The following CAMTA1 variants were observed in gnomAD, a reference collection of about 807,000 sequenced individuals.
CAMTA1 encodes calmodulin binding transcription activator 1.
Under a neutral mutation model 170.9 loss-of-function variants are expected in CAMTA1, and 27 were observed. The ratio of observed to expected loss-of-function variants is 0.16; its 90% confidence interval spans 0.12 to 0.22. CAMTA1 has a LOEUF of 0.22. CAMTA1 is among the 10% of genes least tolerant of loss of function. CAMTA1 has a pLI of 1.00. For missense variants in CAMTA1, 1,619 were observed against 2,217.2 expected (o/e 0.73, Z 5.42); for synonymous variants, 833 against 891.5 (o/e 0.93, Z 1.17).
chr1:7,546,252 G>A (rs889769318), intron 6 of CAMTA1, among the ~76,000 whole-genome samples: 1 of 152,110 alleles, frequency 6.6e-6, no homozygotes. Flanking sequence ...CACTGCGCCC[G>A]GCCTGGTTTT....
chr1:6,794,898 T>G (rs1328111334), intron 1 of CAMTA1, among the ~76,000 whole-genome samples: 2 of 151,158 alleles, frequency 1.3e-5, no homozygotes, highest in Non-Finnish European at 3.0e-5. Flanking sequence ...TTGTTTTTTT[T>G]GTTTTTTTGT....
intron 10 of CAMTA1, among the ~76,000 whole-genome samples, chr1:7,676,009 G>T (rs1317188736): frequency 6.6e-6 from 1 of 152,210 alleles, no homozygotes; most frequent in Non-Finnish European, 1.5e-5. Flanking sequence ...CATCCCCCCC[G>T]ACCCCAAGCT....
chr1:7,235,169 T>C (rs1401113442), intron 4 of CAMTA1, among the ~76,000 whole-genome samples: 1 of 152,046 alleles, frequency 6.6e-6, no homozygotes, highest in Non-Finnish European at 1.5e-5. Context: ...ACAAAGACAT[T>C]GTGGCCCTTA....
chr1:7,683,835 T>C (rs1301625677), intron 11 of CAMTA1, among the ~76,000 whole-genome samples: 1 of 152,232 alleles, frequency 6.6e-6, no homozygotes, highest in African/African-American at 2.4e-5. Context: ...TGGGTGCATG[T>C]GCTCCCCAGG....
Position 7,732,364 on chromosome 1 carries a change from C to G in CAMTA1, c.2915-84C>G. ...TGAAGTTACGGACGGCATTTGGATG[C>G]TGGTCCCGCAAGGCTGGCGAGGCCA... On this transcript the variant is annotated intron_variant, in intron 11 of 22. Coordinates refer to ENST00000303635, the MANE Select transcript of CAMTA1 (RefSeq NM_015215.4). The surrounding 1 kb of genome is among the most constrained non-coding windows in gnomAD (Gnocchi z 4.1). The G allele has an allele frequency of 8.4e-7, 1 of 1,192,530 alleles. No individual in the cohort carries two copies. 73.9% of individuals were successfully genotyped at this position (1,192,530 alleles called of 1,614,324 possible). A position where few individuals can be genotyped will look rare whatever the true frequency, so the allele number is the denominator to read the frequency against.
chr1:7,158,723 T>C (rs1219069314), intron 4 of CAMTA1, among the ~76,000 whole-genome samples: 2 of 152,266 alleles, frequency 1.3e-5, no homozygotes, highest in Non-Finnish European at 2.9e-5. Flanking sequence ...GGGTTTCCTC[T>C]GTAAAATGCT....
At chr1:7,502,502 C>T (rs551545937) in intron 6 of CAMTA1, among the ~76,000 whole-genome samples, 4 of 152,316 alleles carry the variant, frequency 2.6e-5, no homozygotes, top group South Asian at 2.1e-4. Context: ...AGCTCAGCCA[C>T]GTTCTGCAAG....
In CAMTA1 at chr1:6,819,240, C is replaced by T. The variant is rs1215125094; in HGVS notation, c.46-941C>T. Reference sequence around the variant, plus strand: ...TAATCTAAAATTTTATTTAATACTGCAGCCAAACAAAAAAGATATTTTTAG... The same window carrying T: ...TAATCTAAAATTTTATTTAATACTGTAGCCAAACAAAAAAGATATTTTTAG... On this transcript the variant is annotated intron_variant, in intron 1 of 22. Coordinates refer to ENST00000303635, the MANE Select transcript of CAMTA1 (RefSeq NM_015215.4). Among the ~76,000 whole-genome samples, 6 of 152,038 alleles carry T rather than the reference C, an allele frequency of 3.9e-5. No homozygotes were observed. In the East Asian group the frequency reaches 1.2e-3, roughly 29 times the overall value.
At chr1:7,210,314 G>A (rs1658525530) in intron 4 of CAMTA1, among the ~76,000 whole-genome samples, 2 of 152,012 alleles carry the variant, frequency 1.3e-5, no homozygotes, top group Non-Finnish European at 2.9e-5. Context: ...CATTTATTTT[G>A]TAGACTGTCC....
intron 6 of CAMTA1, among the ~76,000 whole-genome samples, chr1:7,595,245 A>G (rs1404038735): frequency 6.6e-6 from 1 of 152,212 alleles, no homozygotes; most frequent in Non-Finnish European, 1.5e-5. Flanking sequence ...ATCAGCTTTC[A>G]GATTATCTGA....
At chr1:7,068,524 CACGATGGGGATGA>C (rs761352480) in intron 3 of CAMTA1, among the ~76,000 whole-genome samples, 15 of 152,082 alleles carry the variant, frequency 9.9e-5, no homozygotes, top group Non-Finnish European at 1.5e-4. Flanking sequence ...CCAGGCAGAC[CACGATGGGGATGA>C]ACGTGCCCTG....
chr1:7,429,107 G>A (rs1258392189), intron 5 of CAMTA1, among the ~76,000 whole-genome samples: 1 of 152,108 alleles, frequency 6.6e-6, no homozygotes, highest in African/African-American at 2.4e-5. Context: ...GTCAGAATTT[G>A]GGAGCCATAA....
chr1:6,940,948 A>AG (rs375035151), intron 3 of CAMTA1, among the ~76,000 whole-genome samples: 2 of 2,728 alleles, frequency 7.3e-4, no homozygotes, highest in Admixed American at 5.5e-3. Context: ...CCTCAGGGGG[A>AG]GGGGGGATCC....
chr1:6,905,925 G>C (rs1204121443), intron 3 of CAMTA1, among the ~76,000 whole-genome samples: 1 of 152,100 alleles, frequency 6.6e-6, no homozygotes, highest in East Asian at 1.9e-4. Flanking sequence ...AGTGGCTCCT[G>C]CTGCTGGTTC....
rs1451465286 is a variant in CAMTA1 at position 6,965,890 on chromosome 1, A to G, written c.235-125414A>G. Among the ~76,000 whole-genome samples, 3 of 152,276 alleles carry G rather than the reference A, an allele frequency of 2.0e-5. No individual in the cohort carries two copies. In the East Asian group the frequency reaches 5.8e-4, roughly 29 times the overall value. On this transcript the variant is annotated intron_variant, in intron 3 of 22. Transcript: ENST00000303635. This position sits in a 1 kb window ranked among gnomAD's most constrained non-coding sequence, Gnocchi z 4.1. ...GCAAGCTCGATGCCGCACGTCTGGC[A>G]TTAGTTACTGCTTGTTGTGTCCTGT...
chr1:6,873,982 T>G (rs1669115174), intron 3 of CAMTA1: 1 of 152,274 alleles, frequency 6.6e-6, no homozygotes, highest in African/African-American at 2.4e-5. Flanking sequence ...CAGAAGACTT[T>G]CATTTTGGTG....
At chr1:7,342,686 T>TA (rs1399347487) in intron 5 of CAMTA1, among the ~76,000 whole-genome samples, 1 of 152,034 alleles carries the variant, frequency 6.6e-6, no homozygotes, top group East Asian at 1.9e-4. Flanking sequence ...AAGGGGAGAA[T>TA]AGGGAAGAAG....
At chr1:6,792,238 A>G (rs1641319944) in intron 1 of CAMTA1, among the ~76,000 whole-genome samples, 2 of 151,998 alleles carry the variant, frequency 1.3e-5, no homozygotes. Flanking sequence ...GATTACAGGC[A>G]TGAGCCAATG....
intron 4 of CAMTA1, among the ~76,000 whole-genome samples, chr1:7,175,529 A>G (rs1650613730): frequency 6.6e-6 from 1 of 152,252 alleles, no homozygotes; most frequent in Non-Finnish European, 1.5e-5. Context: ...ATTAAGCCAT[A>G]AGCAGAATTA....
Sources: allele counts gnomAD v4.1 joint callset (sites outside exome capture counted in the v4.1 genomes callset), GRCh38; gene constraint gnomAD v4.1.1; non-coding constraint Gnocchi (gnomAD v3.1); transcripts MANE v1.5; gene names NCBI Gene and HGNC (gene_info 2026-07-23, HGNC 2026-07-21).